GNPTAB: variants seen among roughly 807,000 people sequenced by gnomAD.
GNPTAB encodes the protein N-acetylglucosamine-1-phosphate transferase subunits alpha and beta.
A neutral mutation model predicts 136.6 loss-of-function variants in GNPTAB; 92 were observed. The observed-to-expected ratio is 0.67, with a 90% CI of 0.57 to 0.80. The LOEUF (loss-of-function observed/expected upper bound fraction) is 0.80, where lower values mean the gene tolerates loss of function less well. Among genes scored for constraint, GNPTAB ranks in the 30% least tolerant of loss-of-function variants. The pLI is 0.00. For missense variants in GNPTAB, 1,343 were observed against 1,501.8 expected (o/e 0.89, Z 1.75); for synonymous variants, 512 against 535.1 (o/e 0.96, Z 0.60).
rs1290629656 is a variant in GNPTAB, at chr12:101,746,277, G to A, written c.*887C>T. 3 of 151,100 alleles carry A rather than the reference G, an allele frequency of 2.0e-5. No homozygotes were observed. The highest frequency in any genetic ancestry group is 3.0e-5 in the Non-Finnish European group (2 of 67,574). 9.4% of individuals were successfully genotyped at this position (151,100 alleles called of 1,614,324 possible). A position where few individuals can be genotyped will look rare whatever the true frequency, so the allele number is the denominator to read the frequency against. ...TTACAAAGAAAGTTTGCTGGCCTCT[G>A]TTCTATCAAAAACCAACTGAGAGAG... On this transcript the variant is annotated 3_prime_UTR_variant, in exon 21 of 21. Transcript: ENST00000299314.
chr12:101,801,764 TGA>T (rs1191333084), intron 1 of GNPTAB, among the ~76,000 whole-genome samples: 1 of 151,978 alleles, frequency 6.6e-6, no homozygotes, highest in Non-Finnish European at 1.5e-5. Flanking sequence ...TAAACTAGCC[TGA>T]GTGTGGTGGC....
intron 1 of GNPTAB, among the ~76,000 whole-genome samples, chr12:101,820,762 A>G (rs972956731): frequency 5.3e-5 from 8 of 152,190 alleles, no homozygotes; most frequent in Non-Finnish European, 1.2e-4. Context: ...GCATCAAGCA[A>G]GAAAGCATCT....
chr12:101,801,417 G>A (rs1475143406), intron 1 of GNPTAB, among the ~76,000 whole-genome samples: 3 of 150,690 alleles, frequency 2.0e-5, no homozygotes, highest in African/African-American at 7.3e-5. Flanking sequence ...GGATGTGCCT[G>A]TAGTCTCAGC....
chr12:101,830,346 C>T (rs952840346), intron 1 of GNPTAB, among the ~76,000 whole-genome samples: 18 of 152,202 alleles, frequency 1.2e-4, no homozygotes, highest in African/African-American at 4.3e-4. Flanking sequence ...TGTATTTGGC[C>T]GGGAGCGGTG....
intron 7 of GNPTAB, chr12:101,773,703 G>A (rs1953216872): frequency 6.6e-6 from 1 of 152,130 alleles, no homozygotes; most frequent in Non-Finnish European, 1.5e-5. Flanking sequence ...ATATTTATAT[G>A]TATGAGAAAG....
At chr12:101,772,375 C>T (rs7979857) in intron 7 of GNPTAB, among the ~76,000 whole-genome samples, 1 of 152,190 alleles carries the variant, frequency 6.6e-6, no homozygotes, top group African/African-American at 2.4e-5. Flanking sequence ...CATGACTATT[C>T]TTAGCTCATT....
intron 1 of GNPTAB, among the ~76,000 whole-genome samples, chr12:101,825,932 C>CT (rs1171796150): frequency 2.0e-5 from 3 of 152,188 alleles, no homozygotes; most frequent in Admixed American, 6.5e-5. Context: ...TGTGCTGCAC[C>CT]TAGGAGCAGG....
chr12:101,828,450 G>C (rs1182009364), intron 1 of GNPTAB, among the ~76,000 whole-genome samples: 1 of 152,170 alleles, frequency 6.6e-6, no homozygotes, highest in Admixed American at 6.5e-5. Flanking sequence ...ATGAGGTCAG[G>C]AGTTCGAGAC....
intron 1 of GNPTAB, among the ~76,000 whole-genome samples, chr12:101,806,845 C>T (rs1462075608): frequency 2.0e-5 from 3 of 151,672 alleles, no homozygotes; most frequent in Non-Finnish European, 2.9e-5. Flanking sequence ...TTTTACCAAA[C>T]ACTTAAGGAA....
chr12:101,824,433 T>TATATATATA (rs1423746036), intron 1 of GNPTAB, among the ~76,000 whole-genome samples: 125 of 90,512 alleles, frequency 1.4e-3, no homozygotes, highest in Middle Eastern at 5.6e-3. Flanking sequence ...TATATATATA[T>TATATATATA]TTTCTTTTTT....
chr12:101,799,154 G>A (rs553400980), intron 1 of GNPTAB, among the ~76,000 whole-genome samples: 5 of 152,026 alleles, frequency 3.3e-5, no homozygotes, highest in Admixed American at 1.3e-4. Context: ...GCGCTTTAAC[G>A]TGGGTCCAGA....
intron 1 of GNPTAB, among the ~76,000 whole-genome samples, chr12:101,824,213 A>C (rs1363424252): frequency 6.6e-6 from 1 of 151,838 alleles, no homozygotes; most frequent in Non-Finnish European, 1.5e-5. Flanking sequence ...AAGAAAAGCT[A>C]TCTTTCTGCT....
intron 1 of GNPTAB, among the ~76,000 whole-genome samples, chr12:101,822,215 C>A (rs886227665): frequency 7.9e-5 from 12 of 152,114 alleles, no homozygotes; most frequent in Non-Finnish European, 1.3e-4. Flanking sequence ...AGATCAAGAC[C>A]ATCCTGGCTA....
At chr12:101,789,133 T>A (rs1868836175) in intron 3 of GNPTAB, among the ~76,000 whole-genome samples, 1 of 152,210 alleles carries the variant, frequency 6.6e-6, no homozygotes, top group South Asian at 2.1e-4. Flanking sequence ...ATATTTTTCA[T>A]AATAAACACT....
chr12:101,761,857 T>A (rs1322280986), intron 13 of GNPTAB, 94 bp from the exon 14 acceptor site: 5 of 923,242 alleles, frequency 5.4e-6, no homozygotes, highest in Non-Finnish European at 8.8e-6. Context: ...TAATAACTAG[T>A]CACGAACTCT....
Position 101,745,577 on chromosome 12 carries a change from T to C in GNPTAB, c.*1587A>G, listed in dbSNP as rs1952721073. Reference sequence around the variant, plus strand: ...TTACAGCACAAACACAGTATTTACATTTCAAGTTCTTTGTACAAAAGATGT... The same window carrying C: ...TTACAGCACAAACACAGTATTTACACTTCAAGTTCTTTGTACAAAAGATGT... On this transcript the variant is annotated 3_prime_UTR_variant, in exon 21 of 21. Transcript: ENST00000299314. 1 of 152,274 alleles carries C rather than the reference T, an allele frequency of 6.6e-6. No individual in the cohort carries two copies. The highest frequency in any genetic ancestry group is 1.5e-5 in the Non-Finnish European group (1 of 68,042). 9.4% of individuals were successfully genotyped at this position (152,274 alleles called of 1,614,324 possible). A position where few individuals can be genotyped will look rare whatever the true frequency, so the allele number is the denominator to read the frequency against.
intron 1 of GNPTAB, among the ~76,000 whole-genome samples, chr12:101,797,518 G>A (rs140755685): frequency 3.9e-5 from 6 of 152,270 alleles, no homozygotes; most frequent in Non-Finnish European, 7.4e-5. Context: ...CCAGCTACTC[G>A]GGAAGTGAGA....
At chr12:101,761,388 T>C in intron 14 of GNPTAB, 42 bp from the exon 15 acceptor site, 1 of 1,568,626 alleles carries the variant, frequency 6.4e-7, no homozygotes, top group Non-Finnish European at 8.8e-7. Flanking sequence ...ATATTCAAAG[T>C]ATGTACCGTA....
chr12:101,813,130 G>C (rs926409719), intron 1 of GNPTAB, among the ~76,000 whole-genome samples: 1 of 152,080 alleles, frequency 6.6e-6, no homozygotes, highest in East Asian at 1.9e-4. Context: ...ACCACACCCA[G>C]CCCCATGGAA....
Sources: allele counts gnomAD v4.1 joint callset (sites outside exome capture counted in the v4.1 genomes callset), GRCh38; gene constraint gnomAD v4.1.1; transcripts MANE v1.5; gene names NCBI Gene and HGNC (gene_info 2026-07-23, HGNC 2026-07-21).